SEMA5A: variants seen among roughly 807,000 people sequenced by gnomAD.
SEMA5A encodes the protein semaphorin 5A.
In SEMA5A, 55 loss-of-function variants were observed where a neutral mutation model predicts 135.5. The ratio of observed to expected loss-of-function variants is 0.41; its 90% CI spans 0.33 to 0.51. The LOEUF is 0.51. Ranked by LOEUF, SEMA5A falls within the 20% of genes least tolerant of loss-of-function variation. The pLI is 0.37. For synonymous variants in SEMA5A, 580 were observed against 546.5 expected (o/e 1.06, Z -0.85); for missense variants, 1,290 against 1,419.9 (o/e 0.91, Z 1.47).
At chr5:9,214,761 T>C (rs1746521837) in intron 8 of SEMA5A, among the ~76,000 whole-genome samples, 1 of 152,228 alleles carries the variant, frequency 6.6e-6, no homozygotes, top group Non-Finnish European at 1.5e-5. Flanking sequence ...TGTGCTCCTC[T>C]TAGGCTAGAC....
chr5:9,186,073 CAG>C (rs1374452974), intron 11 of SEMA5A, among the ~76,000 whole-genome samples: 2 of 152,170 alleles, frequency 1.3e-5, no homozygotes, highest in African/African-American at 4.8e-5. Flanking sequence ...CCGTCACTAA[CAG>C]AACTCCAGTC....
At chr5:9,217,636 T>C (rs746685513) in intron 8 of SEMA5A, among the ~76,000 whole-genome samples, 187 of 152,364 alleles carry the variant, frequency 1.2e-3, no homozygotes, top group Non-Finnish European at 2.4e-3. Flanking sequence ...CGAGGATTCA[T>C]AGATTTGGTG....
intron 8 of SEMA5A, among the ~76,000 whole-genome samples, chr5:9,206,271 G>C (rs1198729127): frequency 6.6e-6 from 1 of 152,090 alleles, no homozygotes; most frequent in Non-Finnish European, 1.5e-5. Flanking sequence ...TGGAGAAACT[G>C]TTTTTTCTAA....
At chr5:9,493,254 T>C (rs1031825185) in intron 1 of SEMA5A, among the ~76,000 whole-genome samples, 3 of 150,056 alleles carry the variant, frequency 2.0e-5, no homozygotes, top group Non-Finnish European at 3.0e-5. Flanking sequence ...TATATAAATA[T>C]ATATACCTGT....
At chr5:9,189,504 A>G (rs2150345063) in intron 11 of SEMA5A, among the ~76,000 whole-genome samples, 1 of 152,358 alleles carries the variant, frequency 6.6e-6, no homozygotes, top group African/African-American at 2.4e-5. Context: ...CAAAAACAGT[A>G]ATCGTGATCC....
chr5:9,533,951 G>A (rs1478759393), intron 1 of SEMA5A, among the ~76,000 whole-genome samples: 2 of 152,166 alleles, frequency 1.3e-5, no homozygotes, highest in Non-Finnish European at 2.9e-5. Context: ...ACCAGCAGAA[G>A]TCAAAGTCAA....
chr5:9,288,394 C>A (rs1379513345), intron 5 of SEMA5A, among the ~76,000 whole-genome samples: 1 of 152,172 alleles, frequency 6.6e-6, no homozygotes. Context: ...TGGTGGGAAT[C>A]GCAGCTCGGA....
chr5:9,504,513 T>A (rs962209349), intron 1 of SEMA5A, among the ~76,000 whole-genome samples: 1 of 152,104 alleles, frequency 6.6e-6, no homozygotes, highest in Non-Finnish European at 1.5e-5. Flanking sequence ...AATAAACCAA[T>A]AAGTACCGGG....
intron 1 of SEMA5A, among the ~76,000 whole-genome samples, chr5:9,454,302 T>G (rs774048263): frequency 3.9e-5 from 6 of 152,216 alleles, no homozygotes; most frequent in Non-Finnish European, 5.9e-5. Flanking sequence ...TAATGATCTT[T>G]GTTCTCCAGA....
At chr5:9,403,860 G>T (rs1357358726) in intron 2 of SEMA5A, among the ~76,000 whole-genome samples, 2 of 152,158 alleles carry the variant, frequency 1.3e-5, no homozygotes, top group African/African-American at 4.8e-5. Context: ...GCAAAGGTCT[G>T]GATATAGAGT....
At chr5:9,136,376 G>A (rs1183585340) in intron 13 of SEMA5A, 128 bp downstream of exon 13, 3 of 718,126 alleles carry the variant, frequency 4.2e-6, no homozygotes, top group Non-Finnish European at 4.8e-6. Flanking sequence ...AGAGAGCACA[G>A]ACTGGGTTTG....
chr5:9,181,870 G>A (rs1744532100), intron 11 of SEMA5A, among the ~76,000 whole-genome samples: 1 of 151,408 alleles, frequency 6.6e-6, no homozygotes, highest in Admixed American at 6.6e-5. Context: ...CCAACCCCCT[G>A]CCCCATCTCA....
At chr5:9,162,442 GTA>G (rs1743314215) in intron 11 of SEMA5A, among the ~76,000 whole-genome samples, 1 of 137,822 alleles carries the variant, frequency 7.3e-6, no homozygotes. Context: ...ATATATATGT[GTA>G]TGTGTATATA....
intron 1 of SEMA5A, among the ~76,000 whole-genome samples, chr5:9,539,287 G>T (rs1474166525): frequency 1.3e-5 from 2 of 152,180 alleles, no homozygotes; most frequent in Non-Finnish European, 2.9e-5. Context: ...CATATATCAA[G>T]AGTTCATTTG....
At chr5:9,051,047 C>A (rs535804539) in intron 20 of SEMA5A, among the ~76,000 whole-genome samples, 10 of 152,328 alleles carry the variant, frequency 6.6e-5, no homozygotes, top group African/African-American at 2.4e-4. Context: ...AAACACCATT[C>A]TTTCCTGTAC....
chr5:9,210,990 T>A (rs1746318798), intron 8 of SEMA5A, among the ~76,000 whole-genome samples: 4 of 152,200 alleles, frequency 2.6e-5, no homozygotes, highest in Admixed American at 2.6e-4. Context: ...AAGATTAGAT[T>A]TACAGCACGA....
chr5:9,470,323 G>A (rs1417431110), intron 1 of SEMA5A, among the ~76,000 whole-genome samples: 2 of 152,096 alleles, frequency 1.3e-5, no homozygotes, highest in Non-Finnish European at 2.9e-5. Flanking sequence ...ACTGAGATTT[G>A]GCTCTGGGGA....
intron 5 of SEMA5A, among the ~76,000 whole-genome samples, chr5:9,313,231 TA>T (rs1752224764): frequency 6.6e-6 from 1 of 152,262 alleles, no homozygotes; most frequent in Admixed American, 6.5e-5. Flanking sequence ...AGGAAAATTG[TA>T]AAACAGTATT....
At chr5:9,544,614 G>A (rs897822691) in intron 1 of SEMA5A, among the ~76,000 whole-genome samples, 3 of 152,090 alleles carry the variant, frequency 2.0e-5, no homozygotes, top group African/African-American at 7.2e-5. Context: ...AACTGCCTGT[G>A]GCGCCTCGTC....
Sources: gnomAD v4.1 joint callset for allele counts (sites outside exome capture counted in the v4.1 genomes callset) on GRCh38, gnomAD v4.1.1 for gene constraint, MANE v1.5 for transcripts, NCBI Gene and HGNC (gene_info 2026-07-23, HGNC 2026-07-21) for gene names.